Variants in FAM186B observed in about 807,000 individuals in gnomAD.
FAM186B encodes family with sequence similarity 186 member B.
A neutral mutation model predicts 83.4 loss-of-function variants in FAM186B; 68 were observed. The ratio of observed to expected loss-of-function variants is 0.81; its 90% CI spans 0.67 to 1.00. The LOEUF (loss-of-function observed/expected upper bound fraction) is 1.00, where lower values mean the gene tolerates loss of function less well. Among genes scored for constraint, FAM186B ranks in the 50% least tolerant of loss-of-function variants. The probability of loss-of-function intolerance (pLI) is 0.00; values close to 1 mark genes in which losing one functional copy is unlikely to be tolerated. For missense variants in FAM186B, 983 were observed against 1,099.2 expected (o/e 0.89, Z 1.49); for synonymous variants, 389 against 422.0 (o/e 0.92, Z 0.96).
At chr12:49,613,743 G>A in the FAM186B span, among the ~76,000 whole-genome samples, 1 of 151,842 alleles carries the variant, frequency 6.6e-6, no homozygotes. Context: ...GGAGGCTGAG[G>A]CGGGAGGATC....
In FAM186B at chr12:49,599,681, G is replaced by T; in HGVS notation, c.1959C>A (p.Ser653=). 1 of 1,607,944 alleles carries T rather than the reference G, an allele frequency of 6.2e-7. No individual in the cohort carries two copies. The highest frequency in any genetic ancestry group is 8.5e-7 in the Non-Finnish European group (1 of 1,177,044). The part of the protein sequence containing the change: ...RRLTWPSLQI[S]PANIKKKVYH... ...ACACCTTCTTCTTAATATTTGCAGGGGATATCTGCAAAGAGGGCCAGGTCA... is the reference window on the plus strand; with the variant it reads ...ACACCTTCTTCTTAATATTTGCAGGTGATATCTGCAAAGAGGGCCAGGTCA... The change falls in exon 4 of 7, where the codon TCC becomes TCA. Residue 653 remains serine, a synonymous_variant. Coordinates refer to ENST00000257894, the MANE Select transcript of FAM186B (RefSeq NM_032130.3).
upstream of FAM186B, among the ~76,000 whole-genome samples, chr12:49,605,794 C>T (rs1407291123): frequency 7.0e-6 from 1 of 141,858 alleles, no homozygotes; most frequent in Non-Finnish European, 1.5e-5. Flanking sequence ...GAGTCTCCCT[C>T]TGTAGCCCAG....
chr12:49,606,759 A>G (rs993181300), upstream of FAM186B, among the ~76,000 whole-genome samples: 2 of 152,168 alleles, frequency 1.3e-5, no homozygotes, highest in Admixed American at 6.5e-5. Context: ...GGTTTTGAAA[A>G]ATACTATCAA....
chr12:49,620,581 T>G, the FAM186B span, among the ~76,000 whole-genome samples: 4 of 152,114 alleles, frequency 2.6e-5, no homozygotes. Flanking sequence ...TATGTGTATG[T>G]GTTTAAATCA....
downstream of FAM186B, among the ~76,000 whole-genome samples, chr12:49,585,903 C>T (rs1236079707): frequency 6.6e-6 from 1 of 152,244 alleles, no homozygotes; most frequent in Non-Finnish European, 1.5e-5. Flanking sequence ...CCTGAGGTAG[C>T]AGCCTGGGCA....
chr12:49,584,253 T>G, downstream of FAM186B: 1 of 475,076 alleles, frequency 2.1e-6, no homozygotes. Context: ...GTTGAGGAGG[T>G]GTGGGTTTCA....
At chr12:49,597,101 C>T (rs1939744998) in intron 5 of FAM186B, among the ~76,000 whole-genome samples, 1 of 152,158 alleles carries the variant, frequency 6.6e-6, no homozygotes, top group Admixed American at 6.5e-5. Flanking sequence ...AGATTTGCAG[C>T]CTAGCAGCAA....
the FAM186B span, among the ~76,000 whole-genome samples, chr12:49,617,019 C>T: frequency 1.3e-5 from 2 of 152,178 alleles, no homozygotes; most frequent in Non-Finnish European, 2.9e-5. Context: ...TATTTGCATA[C>T]CCTTTTCCCC....
the FAM186B span, among the ~76,000 whole-genome samples, chr12:49,619,806 C>G: frequency 6.6e-6 from 1 of 150,786 alleles, no homozygotes. Flanking sequence ...TCCTGAGTAG[C>G]TAGGATTACA....
the FAM186B span, among the ~76,000 whole-genome samples, chr12:49,611,846 A>G: frequency 6.8e-6 from 1 of 146,750 alleles, no homozygotes; most frequent in Non-Finnish European, 1.5e-5. Flanking sequence ...CGAAAGAGCG[A>G]AACTCCATCT....
intron 5 of FAM186B, among the ~76,000 whole-genome samples, chr12:49,590,723 T>G (rs1388456743): frequency 6.6e-6 from 1 of 151,880 alleles, no homozygotes; most frequent in Non-Finnish European, 1.5e-5. Flanking sequence ...ATTAAGAGAG[T>G]GAGTGATACC....
chr12:49,609,669 T>C (rs140603185), upstream of FAM186B, among the ~76,000 whole-genome samples: 372 of 152,326 alleles, frequency 2.4e-3, 2 homozygotes, highest in African/African-American at 8.5e-3. Context: ...ATTAGGAGTT[T>C]AGGCCACCCT....
chr12:49,605,623 A>G lies in FAM186B; in HGVS notation c.-146T>C. On this transcript the variant is annotated 5_prime_UTR_variant, in exon 1 of 7. Coordinates refer to ENST00000257894, the MANE Select transcript of FAM186B (RefSeq NM_032130.3). ...GGCACAGCTCCTCTGGTAACTGCCA[A>G]ACACCAGGTTCCAACTGATCCTCTT... The G allele has an allele frequency of 2.7e-6, 2 of 744,422 alleles. No homozygotes were observed. The highest frequency in any genetic ancestry group is 4.3e-6 in the Non-Finnish European group (2 of 466,532). 46.1% of individuals were successfully genotyped at this position (744,422 alleles called of 1,614,324 possible).
Position 49,604,479 on chromosome 12 carries a change from G to T in FAM186B, c.156C>A (p.Phe52Leu), listed in dbSNP as rs367608418. The T allele has an allele frequency of 1.6e-4, 264 of 1,614,026 alleles. No individual in the cohort carries two copies. The highest frequency in any genetic ancestry group is 2.2e-4 in the Non-Finnish European group (258 of 1,180,040). ...TTAAATCATATCCTAATTCTTCCTG[G>T]AAGCGGTTGATGACACAATTGACAT... ...LDNVNCVINR[F>L]QEELGYDLKE... is the part of the protein sequence containing the mutation. Residue 52 changes from phenylalanine to leucine, a missense_variant, in exon 2 of 7, where the codon TTC (phenylalanine) becomes TTA (leucine). Coordinates refer to ENST00000257894, the MANE Select transcript of FAM186B (RefSeq NM_032130.3).
chr12:49,584,657 C>T (rs1368540670), downstream of FAM186B: 2 of 701,826 alleles, frequency 2.8e-6, no homozygotes, highest in East Asian at 2.7e-5. Flanking sequence ...GTAACTGAGA[C>T]AAGGCCCAGG....
At position 49,603,367 on chromosome 12, in the gene FAM186B, C is replaced by T. The variant is rs376948263; in HGVS notation, c.323G>A (p.Gly108Asp). 1.2e-6 allele frequency: 2 copies of T among 1,614,082 alleles called. No individual in the cohort carries two copies. Among genetic ancestry groups the T allele is most frequent in the Non-Finnish European group, 1.7e-6 (2 of 1,179,992 alleles). Residue 108 changes from glycine (G) to aspartate (D), a missense_variant and splice_region_variant, in exon 3 of 7, where the codon GGT becomes GAT. Physicochemically the swap from Gly to Asp is moderately conservative, Grantham distance 94. Transcript: ENST00000257894. ...CCCAATCTCATAGGTCAGAGTGTCA[C>T]CTGGAGAAGGGATGGGAGGTGCAGG... ...YDILRWLGDW[G>D]DTLTYEIGPR...
chr12:49,599,953 T>C lies in FAM186B; in HGVS notation c.1687A>G (p.Thr563Ala), dbSNP rs148050129. The change falls in exon 4 of 7, where the codon ACC (threonine) becomes GCC (alanine). Residue 563 changes from threonine to alanine, a missense_variant. Thr to Ala is a moderately conservative substitution (Grantham distance 58, BLOSUM62 0). Coordinates refer to ENST00000257894, the MANE Select transcript of FAM186B (RefSeq NM_032130.3). ...TTCTCCAAGTCCCTCCATCGACTGG[T>C]GGGTGTGAAGATCCTCCTCTCCACA... ...EDVERRIFTPTSRWRDLEKAE... is the reference protein window; with the variant it reads ...EDVERRIFTPASRWRDLEKAE... 6.8e-5 allele frequency: 109 copies of C among 1,613,766 alleles called. No homozygotes were observed. The highest frequency in any genetic ancestry group is 8.9e-5 in the Non-Finnish European group (105 of 1,179,932).
chr12:49,597,556 T>C (rs767967254), intron 5 of FAM186B, among the ~76,000 whole-genome samples: 7 of 152,194 alleles, frequency 4.6e-5, no homozygotes, highest in Non-Finnish European at 1.0e-4. Context: ...TGTTGGATTA[T>C]AGTTAATAGT....
the FAM186B span, chr12:49,619,570 C>T: frequency 2.9e-6 from 2 of 681,010 alleles, no homozygotes; most frequent in Non-Finnish European, 2.7e-6. Context: ...TTGGTATGGG[C>T]TATCATTCCA....
Sources: gnomAD v4.1 joint callset for allele counts (sites outside exome capture counted in the v4.1 genomes callset) on GRCh38, gnomAD v4.1.1 for gene constraint, MANE v1.5 for transcripts, NCBI Gene and HGNC (gene_info 2026-07-23, HGNC 2026-07-21) for gene names.